The following DENND1A variants were observed in gnomAD, a reference collection of about 807,000 sequenced individuals.
DENND1A encodes DENN domain containing 1A, also known as DENN domain-containing protein 1A.
Under a neutral mutation model 113.7 loss-of-function variants are expected in DENND1A, and 51 were observed. The observed-to-expected ratio is 0.45, with a 90% CI of 0.36 to 0.57. DENND1A has a LOEUF of 0.57. Among genes scored for constraint, DENND1A ranks in the 20% least tolerant of loss-of-function variants. The pLI is 0.00. For missense variants in DENND1A, 1,258 were observed against 1,395.9 expected, an observed-to-expected ratio of 0.90 and a Z score of 1.57; for synonymous variants, 565 against 570.8, an observed-to-expected ratio of 0.99 and a Z score of 0.14.
At chr9:123,460,002 C>G (rs1352579377) in intron 13 of DENND1A, among the ~76,000 whole-genome samples, 1 of 152,166 alleles carries the variant, frequency 6.6e-6, no homozygotes, top group African/African-American at 2.4e-5. Context: ...AGAAAAACAT[C>G]AGGGCTGCCA....
chr9:123,870,436 ATT>A (rs945620687), intron 2 of DENND1A, among the ~76,000 whole-genome samples: 30 of 136,440 alleles, frequency 2.2e-4, no homozygotes, highest in Admixed American at 4.4e-4. Flanking sequence ...TGCCCGGCTA[ATT>A]TTTTTTTTTT....
chr9:123,412,700 G>T (rs1588403378), intron 19 of DENND1A, among the ~76,000 whole-genome samples: 1 of 152,216 alleles, frequency 6.6e-6, no homozygotes, highest in East Asian at 1.9e-4. Flanking sequence ...TGCCTGTCTT[G>T]ATGCTCTCGC....
chr9:123,857,031 T>C (rs749467993), intron 2 of DENND1A, among the ~76,000 whole-genome samples: 10 of 151,720 alleles, frequency 6.6e-5, no homozygotes, highest in African/African-American at 2.2e-4. Flanking sequence ...GAAATACATA[T>C]AGATGTACTC....
chr9:123,883,885 A>C (rs1848649808), intron 1 of DENND1A, among the ~76,000 whole-genome samples: 1 of 151,104 alleles, frequency 6.6e-6, no homozygotes, highest in African/African-American at 2.4e-5. Flanking sequence ...AAAAAAAAAA[A>C]AGAGCTAAAA....
chr9:123,832,671 T>C (rs1010555814), intron 2 of DENND1A, among the ~76,000 whole-genome samples: 3 of 152,322 alleles, frequency 2.0e-5, no homozygotes, highest in African/African-American at 2.4e-5. Context: ...CAGAATAGTG[T>C]ATAGCAATGA....
intron 21 of DENND1A, among the ~76,000 whole-genome samples, chr9:123,389,330 C>T (rs1014150341): frequency 6.6e-6 from 1 of 152,234 alleles, no homozygotes; most frequent in African/African-American, 2.4e-5. Flanking sequence ...CCCAGGGTTA[C>T]ACAACAGGAG....
At chr9:123,420,218 ATCCCAGTGG>A (rs1308061006) in intron 19 of DENND1A, among the ~76,000 whole-genome samples, 2 of 152,200 alleles carry the variant, frequency 1.3e-5, no homozygotes, top group Admixed American at 1.3e-4. Flanking sequence ...TACTCAGGAT[ATCCCAGTGG>A]TCCTGGCGAC....
At chr9:123,757,883 C>G (rs2070705170) in intron 4 of DENND1A, 61 bp from the exon 5 acceptor site, 1 of 1,568,454 alleles carries the variant, frequency 6.4e-7, no homozygotes, top group South Asian at 1.1e-5. Context: ...GATAAAGTAT[C>G]TAATCACAAT....
intron 2 of DENND1A, among the ~76,000 whole-genome samples, chr9:123,876,200 A>G (rs1391377595): frequency 6.6e-6 from 1 of 152,172 alleles, no homozygotes; most frequent in African/African-American, 2.4e-5. Context: ...ACAGACCCAA[A>G]TTCTTCAAAA....
chr9:123,675,521 G>A (rs1031065708), intron 6 of DENND1A, among the ~76,000 whole-genome samples: 5 of 151,916 alleles, frequency 3.3e-5, no homozygotes, highest in African/African-American at 1.2e-4. Flanking sequence ...TGCTCAGAAC[G>A]TTCAACAGAA....
At chr9:123,471,017 T>C (rs2049371318) in intron 13 of DENND1A, among the ~76,000 whole-genome samples, 1 of 152,138 alleles carries the variant, frequency 6.6e-6, no homozygotes, top group Non-Finnish European at 1.5e-5. Flanking sequence ...CTGGATTCCT[T>C]TTCCTTGCCT....
At chr9:123,611,964 A>G (rs2060437273) in intron 10 of DENND1A, among the ~76,000 whole-genome samples, 1 of 152,214 alleles carries the variant, frequency 6.6e-6, no homozygotes, top group Admixed American at 6.5e-5. Context: ...CCCAATAATT[A>G]TCCAAAGAGT....
chr9:123,691,165 A>G (rs547374280), intron 5 of DENND1A, among the ~76,000 whole-genome samples: 1 of 152,304 alleles, frequency 6.6e-6, no homozygotes, highest in East Asian at 1.9e-4. Context: ...TGGATCATTC[A>G]TACAAACATT....
chr9:123,912,210 A>G (rs2134034671), intron 1 of DENND1A, among the ~76,000 whole-genome samples: 1 of 152,298 alleles, frequency 6.6e-6, no homozygotes, highest in East Asian at 1.9e-4. Context: ...GCAGAAGAAA[A>G]TCTACATTAG....
rs553674034 is a variant in DENND1A at position 123,811,673 on chromosome 9, G to C, written c.89-19043C>G. ...ACTTGGGAGGCTGAGGCAGGAGAAC[G>C]GCGTGAACCTGGAAGGCGGAGCTTG... is the stretch of plus-strand genomic sequence containing the variant. On this transcript the variant is annotated intron_variant, in intron 2 of 23. Coordinates refer to ENST00000394215, the MANE Select transcript of DENND1A (RefSeq NM_001352964.2). Among the ~76,000 whole-genome samples, 6 of 152,274 alleles carry C rather than the reference G, an allele frequency of 3.9e-5. No individual in the cohort carries two copies. The South Asian group carries it at 1.2e-3, about 32-fold the overall frequency.
chr9:123,784,483 T>C (rs2131896751), intron 3 of DENND1A, among the ~76,000 whole-genome samples: 1 of 152,222 alleles, frequency 6.6e-6, no homozygotes, highest in South Asian at 2.1e-4. Context: ...TGTAGGTGTG[T>C]CCAAGGAGCA....
In DENND1A at chr9:123,391,761, G is replaced by GAAAAAAAAAAAAAA. The variant is rs5900572; in HGVS notation, c.1632-3917_1632-3904dup. ...TTTTTATTAGCTTAAGGCAGAATAT[G>GAAAAAAAAAAAAAA]AAAAAAAAAAAAAAAAAAAGCACCT... On this transcript the variant is annotated intron_variant, in intron 21 of 23. Coordinates refer to ENST00000394215, the MANE Select transcript of DENND1A (RefSeq NM_001352964.2). Among the ~76,000 whole-genome samples, 16 of 110,368 alleles carry GAAAAAAAAAAAAAA rather than the reference G, an allele frequency of 1.4e-4. 2 individuals carry two copies. The highest frequency in any genetic ancestry group is 3.1e-4 in the South Asian group (1 of 3,270). The allele number at this position is 110,368 out of a possible 152,430, so 72.4% of individuals were successfully genotyped here.
chr9:123,440,935 T>C (rs1329999613), intron 18 of DENND1A, among the ~76,000 whole-genome samples: 4 of 152,234 alleles, frequency 2.6e-5, no homozygotes, highest in Non-Finnish European at 4.4e-5. Context: ...CATATTTCAT[T>C]GAGCGGATAT....
chr9:123,467,523 C>T (rs1588675624), intron 13 of DENND1A, among the ~76,000 whole-genome samples: 2 of 152,202 alleles, frequency 1.3e-5, no homozygotes, highest in South Asian at 2.1e-4. Context: ...GGCATATTGG[C>T]GGGCGCCTGT....
Sources: gnomAD v4.1 joint callset for allele counts (sites outside exome capture counted in the v4.1 genomes callset) on GRCh38, gnomAD v4.1.1 for gene constraint, MANE v1.5 for transcripts, NCBI Gene and HGNC (gene_info 2026-07-23, HGNC 2026-07-21) for gene names.